The following NCOA6 variants were observed in gnomAD, a reference collection of about 807,000 sequenced individuals.
The protein encoded by NCOA6 is nuclear receptor coactivator 6.
NCOA6 carries 49 observed loss-of-function variants against 171.4 expected under a neutral mutation model. The observed-to-expected ratio is 0.29, with a 90% CI of 0.23 to 0.36. The LOEUF (loss-of-function observed/expected upper bound fraction) is 0.36, where lower values mean the gene tolerates loss of function less well. Ranked by LOEUF, NCOA6 falls within the 10% of genes least tolerant of loss-of-function variation. The pLI is 1.00. For synonymous variants in NCOA6, 910 were observed against 927.5 expected (o/e 0.98, Z 0.34); for missense variants, 2,248 against 2,554.5 (o/e 0.88, Z 2.59).
chr20:34,762,388 C>T (rs1267698792), intron 5 of NCOA6, among the ~76,000 whole-genome samples: 3 of 152,110 alleles, frequency 2.0e-5, no homozygotes, highest in African/African-American at 7.2e-5. Flanking sequence ...TTAATCATTT[C>T]CTTTTTATCA....
At position 34,775,430 on chromosome 20, in the gene NCOA6, A is replaced by C. The variant is rs535698988; in HGVS notation, c.391+863T>G. ...ACTGCGGGCCGGCGTGATGGCCTGTAATCCCAGCACTTTGGGAGGCCGAGA... is the reference window on the plus strand; with the variant it reads ...ACTGCGGGCCGGCGTGATGGCCTGTCATCCCAGCACTTTGGGAGGCCGAGA... On this transcript the variant is annotated intron_variant, in intron 4 of 14. Coordinates refer to ENST00000359003, the MANE Select transcript of NCOA6 (RefSeq NM_014071.5). Among the ~76,000 whole-genome samples, 66 of 152,212 alleles carry C rather than the reference A, an allele frequency of 4.3e-4. 1 individual carries two copies. Among genetic ancestry groups the C allele is most frequent in the African/African-American group, 1.5e-3 (62 of 41,516 alleles).
Position 34,749,593 on chromosome 20 carries a change from A to G in NCOA6, c.2602T>C (p.Cys868Arg), listed in dbSNP as rs61754976. The change falls in exon 9 of 15, where the codon TGT (cysteine) becomes CGT (arginine). Residue 868 changes from cysteine to arginine, a missense_variant. Cys to Arg is a radical substitution (Grantham distance 180, BLOSUM62 -3). Around this residue, in one of 7 missense-constraint regions of NCOA6, gnomAD observed 987 missense variants for 1,104.7 expected, o/e 0.89. Coordinates refer to ENST00000359003, the MANE Select transcript of NCOA6 (RefSeq NM_014071.5). ...ACTGGGAAGCCTGGATTTTGACCAC[A>G]GGACATCTGATTTCCATTGGGAGCT... The part of the protein sequence containing the change: ...SGAPNGNQMS[C>R]GQNPGFPVNK... The G allele has an allele frequency of 5.9e-5, 96 of 1,614,114 alleles. No individual in the cohort carries two copies. The highest frequency in any genetic ancestry group is 1.8e-4 in the East Asian group (8 of 44,904).
At chr20:34,718,950 C>T (rs1229049317) in intron 14 of NCOA6, among the ~76,000 whole-genome samples, 1 of 152,186 alleles carries the variant, frequency 6.6e-6, no homozygotes, top group Admixed American at 6.5e-5. Flanking sequence ...TTTTAACTAT[C>T]AGGGATTTTA....
At chr20:34,749,178 G>T (rs2076394293) in intron 9 of NCOA6, among the ~76,000 whole-genome samples, 1 of 152,160 alleles carries the variant, frequency 6.6e-6, no homozygotes, top group Admixed American at 6.5e-5. Context: ...ATCTTTTAGA[G>T]ACACACACTG....
chr20:34,778,945 C>G (rs1393785417), intron 3 of NCOA6, among the ~76,000 whole-genome samples: 1 of 121,080 alleles, frequency 8.3e-6, no homozygotes. Flanking sequence ...GGTGACAGAG[C>G]AAGACTCCGT....
At chr20:34,793,938 C>A (rs1486290401) in intron 1 of NCOA6, among the ~76,000 whole-genome samples, 19 of 152,082 alleles carry the variant, frequency 1.2e-4, no homozygotes, top group Non-Finnish European at 1.5e-5. Flanking sequence ...AACGAACATT[C>A]AACATATGAA....
chr20:34,796,664 A>G (rs1192574991), intron 1 of NCOA6, among the ~76,000 whole-genome samples: 1 of 152,026 alleles, frequency 6.6e-6, no homozygotes, highest in Non-Finnish European at 1.5e-5. Flanking sequence ...AAAAATAAAT[A>G]AAAAATTGAC....
chr20:34,775,693 G>GA (rs5841181), intron 4 of NCOA6, among the ~76,000 whole-genome samples: 3 of 133,122 alleles, frequency 2.3e-5, no homozygotes, highest in Non-Finnish European at 3.1e-5. Context: ...AAAAAAAAAA[G>GA]AAAAAAAAAA....
At chr20:34,792,643 ATTTC>A (rs1475329591) in intron 1 of NCOA6, 80 bp from the exon 2 acceptor site, 2 of 397,490 alleles carry the variant, frequency 5.0e-6, no homozygotes, top group African/African-American at 2.1e-5. Context: ...GAAATTAAAG[ATTTC>A]TTTAATTTCA....
intron 14 of NCOA6, among the ~76,000 whole-genome samples, 193 bp downstream of exon 14, chr20:34,727,066 C>T (rs1009264713): frequency 6.6e-6 from 1 of 152,192 alleles, no homozygotes; most frequent in African/African-American, 2.4e-5. Context: ...GCTTGTTGCT[C>T]TTGAGTACAC....
rs761338592 is a variant in NCOA6, at chr20:34,782,157, C to T, written c.199G>A (p.Ala67Thr). The change falls in exon 3 of 15, where the codon GCA becomes ACA. Residue 67 changes from alanine (A) to threonine (T), a missense_variant. By Grantham distance (58) the Ala-to-Thr change is moderately conservative. Transcript: ENST00000359003. ...DDKDFKWKLD[A>T]ILKNVPNLLH... is the part of the protein sequence containing the mutation. Reference sequence around the variant, plus strand: ...AAATTGGGCACGTTTTTCAATATTGCATCTAATTTCCATTTGAAGTCTTTA... The same window carrying T: ...AAATTGGGCACGTTTTTCAATATTGTATCTAATTTCCATTTGAAGTCTTTA... 5 of 1,605,988 alleles carry T rather than the reference C, an allele frequency of 3.1e-6. No homozygotes were observed. The South Asian group carries it at 5.6e-5, about 18-fold the overall frequency.
chr20:34,770,229 G>A (rs1293949978), intron 4 of NCOA6, among the ~76,000 whole-genome samples: 2 of 151,956 alleles, frequency 1.3e-5, no homozygotes, highest in Non-Finnish European at 2.9e-5. Flanking sequence ...TAGTAGAGAC[G>A]GGGTTTCACC....
At position 34,741,199 on chromosome 20, in the gene NCOA6, T is replaced by C. The variant is rs1210735092; in HGVS notation, c.5057A>G (p.Asn1686Ser). 6.2e-7 allele frequency: 1 copy of C among 1,614,168 alleles called. No homozygotes were observed. The highest frequency in any genetic ancestry group is 1.3e-5 in the African/African-American group (1 of 75,012). ...AACAGAGGGAGGCATCAGGCCAGAG[T>C]TGGTTGTCAGTGGGGCTGCAGGAAT... ...STIPAAPLTT[N>S]SGLMPPSVAV... is the part of the protein sequence containing the mutation. The change falls in exon 11 of 15, where the codon AAC becomes AGC. Residue 1686 changes from asparagine (N) to serine (S), a missense_variant. By Grantham distance (46) the Asn-to-Ser change is conservative. Around this residue, in one of 7 missense-constraint regions of NCOA6, gnomAD observed 884 missense variants for 941.9 expected, o/e 0.94. Transcript: ENST00000359003.
intron 1 of NCOA6, chr20:34,809,637 C>T (rs887632139): frequency 2.6e-6 from 1 of 390,372 alleles, no homozygotes; most frequent in African/African-American, 2.1e-5. Context: ...CAAATTCCTT[C>T]TCTCTACCAC....
At chr20:34,715,859 G>T (rs1363359561) in intron 14 of NCOA6, among the ~76,000 whole-genome samples, 1 of 152,202 alleles carries the variant, frequency 6.6e-6, no homozygotes. Context: ...TATAGTCAAG[G>T]TCTAAACAAC....
chr20:34,802,872 G>A (rs1331482817), intron 1 of NCOA6, among the ~76,000 whole-genome samples: 1 of 152,068 alleles, frequency 6.6e-6, no homozygotes, highest in African/African-American at 2.4e-5. Context: ...AAAGGACAGT[G>A]GCACAATTCC....
At chr20:34,819,166 T>C (rs2078931030) in intron 1 of NCOA6, 1 of 152,202 alleles carries the variant, frequency 6.6e-6, no homozygotes, top group African/African-American at 2.4e-5. Context: ...ATATGTCATT[T>C]ACTGGTTTGG....
chr20:34,749,596 A>G lies in NCOA6; in HGVS notation c.2599T>C (p.Ser867Pro). The G allele has an allele frequency of 6.2e-7, 1 of 1,614,212 alleles. No individual in the cohort carries two copies. The highest frequency in any genetic ancestry group is 1.7e-5 in the Admixed American group (1 of 60,028). ...GGGAAGCCTGGATTTTGACCACAGG[A>G]CATCTGATTTCCATTGGGAGCTCCA... is the stretch of plus-strand genomic sequence containing the variant. ...FSGAPNGNQM[S>P]CGQNPGFPVN... Residue 867 changes from serine (S) to proline (P), a missense_variant, in exon 9 of 15, where the codon TCC becomes CCC. By Grantham distance (74) the Ser-to-Pro change is moderately conservative. Around this residue, in one of 7 missense-constraint regions of NCOA6, gnomAD observed 987 missense variants for 1,104.7 expected, o/e 0.89. Transcript: ENST00000359003.
At chr20:34,756,480 A>C (rs577100854) in intron 7 of NCOA6, among the ~76,000 whole-genome samples, 9 of 152,348 alleles carry the variant, frequency 5.9e-5, no homozygotes, top group Admixed American at 4.6e-4. Flanking sequence ...TACCTTACTG[A>C]AAAGCTCCAA....
Sources: allele counts gnomAD v4.1 joint callset (sites outside exome capture counted in the v4.1 genomes callset), GRCh38; gene constraint gnomAD v4.1.1; regional missense constraint gnomAD v4.1.1; transcripts MANE v1.5; gene names NCBI Gene and HGNC (gene_info 2026-07-23, HGNC 2026-07-21).